The following ZFHX3 variants were observed in gnomAD, a reference collection of about 807,000 sequenced individuals.
ZFHX3 encodes zinc finger homeobox protein 3.
ZFHX3 carries 42 observed loss-of-function variants against 279.1 expected under a neutral mutation model. The observed-to-expected ratio is 0.15, with a 90% confidence interval of 0.12 to 0.19. The LOEUF is 0.19. Among genes scored for constraint, ZFHX3 ranks in the 10% least tolerant of loss-of-function variants. The pLI is 1.00. For missense variants in ZFHX3, 4,981 were observed against 4,754.0 expected, an observed-to-expected ratio of 1.05 and a Z score of -1.40; for synonymous variants, 2,293 against 1,957.8, an observed-to-expected ratio of 1.17 and a Z score of -4.52.
intron 4 of ZFHX3, among the ~76,000 whole-genome samples, chr16:72,867,211 A>T (rs2038043869): frequency 6.6e-6 from 1 of 152,228 alleles, no homozygotes; most frequent in Non-Finnish European, 1.5e-5. Flanking sequence ...GAAGAAGCTC[A>T]GCATTAATTC....
chr16:73,138,714 G>A (rs1405060655), intron 6 of ZFHX3, among the ~76,000 whole-genome samples: 2 of 152,030 alleles, frequency 1.3e-5, no homozygotes, highest in African/African-American at 4.8e-5. Context: ...TTGAGATAGG[G>A]TCTCACTCTG....
intron 1 of ZFHX3, among the ~76,000 whole-genome samples, chr16:73,706,920 T>A (rs1237822079): frequency 6.6e-6 from 1 of 152,210 alleles, no homozygotes; most frequent in Non-Finnish European, 1.5e-5. Context: ...TTTAACGATT[T>A]CTTTCTCCTT....
chr16:73,336,007 T>A (rs1163803707), intron 3 of ZFHX3, among the ~76,000 whole-genome samples: 1 of 152,166 alleles, frequency 6.6e-6, no homozygotes, highest in Non-Finnish European at 1.5e-5. Flanking sequence ...CTCTAGCCAT[T>A]CGCAGCAGTG....
chr16:73,295,076 A>C (rs1038157673), intron 4 of ZFHX3, among the ~76,000 whole-genome samples: 1 of 151,616 alleles, frequency 6.6e-6, no homozygotes, highest in African/African-American at 2.4e-5. Context: ...TTAGCCAGGC[A>C]TGGTGGCAGG....
chr16:73,679,527 C>G (rs539480753), intron 2 of ZFHX3: 2 of 152,172 alleles, frequency 1.3e-5, no homozygotes, highest in African/African-American at 4.8e-5. Flanking sequence ...ACCTTCTTTT[C>G]TCTTATGTAA....
intron 1 of ZFHX3, among the ~76,000 whole-genome samples, chr16:72,992,105 C>T (rs1032223556): frequency 6.6e-6 from 1 of 152,248 alleles, no homozygotes; most frequent in African/African-American, 2.4e-5. Flanking sequence ...ATCTTTCTCA[C>T]ATAGTCAACC....
At chr16:73,877,182 T>C (rs920808927) in intron 1 of ZFHX3, among the ~76,000 whole-genome samples, 1 of 96,244 alleles carries the variant, frequency 1.0e-5, no homozygotes, top group African/African-American at 4.9e-5. Flanking sequence ...AACGAGATGG[T>C]TGGGTTCGGG....
intron 4 of ZFHX3, among the ~76,000 whole-genome samples, chr16:73,307,023 A>G (rs1053042874): frequency 6.6e-6 from 1 of 152,214 alleles, no homozygotes; most frequent in Non-Finnish European, 1.5e-5. Flanking sequence ...AGACCACAAA[A>G]CTGACAACAT....
chr16:73,812,296 G>T (rs74028494), intron 1 of ZFHX3, among the ~76,000 whole-genome samples: 1 of 152,186 alleles, frequency 6.6e-6, no homozygotes, highest in Admixed American at 6.5e-5. Context: ...TCTCACTTCC[G>T]CTTTGGGTGT....
At chr16:72,972,485 G>A (rs1962149298) in intron 1 of ZFHX3, among the ~76,000 whole-genome samples, 1 of 152,066 alleles carries the variant, frequency 6.6e-6, no homozygotes, top group Non-Finnish European at 1.5e-5. Flanking sequence ...GATTATAAAG[G>A]GCCAAACTGC....
rs764171619 is a variant in ZFHX3 at position 73,660,281 on chromosome 16, C to T, written c.-1547+19899G>A. Among the ~76,000 whole-genome samples, 22 of 152,156 alleles carry T rather than the reference C, an allele frequency of 1.4e-4. 1 individual carries two copies. Among genetic ancestry groups the T allele is most frequent in the Admixed American group, 3.3e-4 (5 of 15,270 alleles). On this transcript the variant is annotated intron_variant, in intron 2 of 17. Transcript: ENST00000641206. Reference sequence around the variant, plus strand: ...TTAAAAGCAAAGGATTTCTATGGAACGCTTCTCTACTTTTAAAGTCAGCAT... The same window carrying T: ...TTAAAAGCAAAGGATTTCTATGGAATGCTTCTCTACTTTTAAAGTCAGCAT...
In ZFHX3 at chr16:73,343,730, C is replaced by T. The variant is rs547007443; in HGVS notation, c.-1290-25394G>A. Among the ~76,000 whole-genome samples the T allele has an allele frequency of 3.3e-5, 5 of 152,242 alleles. No individual in the cohort carries two copies. In the East Asian group the frequency reaches 9.7e-4, roughly 29 times the overall value. On this transcript the variant is annotated intron_variant, in intron 3 of 17. Transcript: ENST00000641206. Reference sequence around the variant, plus strand: ...TGAGATCCCATCTCTAAAGCAACAACAACAAGACATGTGAAAAGAACAGAA... The same window carrying T: ...TGAGATCCCATCTCTAAAGCAACAATAACAAGACATGTGAAAAGAACAGAA...
intron 5 of ZFHX3, among the ~76,000 whole-genome samples, chr16:72,817,772 C>A (rs924462069): frequency 6.6e-6 from 1 of 152,136 alleles, no homozygotes; most frequent in Non-Finnish European, 1.5e-5. Flanking sequence ...TCCTTTTTGG[C>A]GTCCTGAGGT....
intron 3 of ZFHX3, among the ~76,000 whole-genome samples, chr16:73,331,544 G>C (rs925395105): frequency 1.3e-5 from 2 of 152,194 alleles, no homozygotes; most frequent in African/African-American, 2.4e-5. Flanking sequence ...TCTGTGCAGA[G>C]AGTACATCCA....
intron 1 of ZFHX3, among the ~76,000 whole-genome samples, chr16:72,990,247 G>C (rs895759886): frequency 4.6e-5 from 7 of 152,322 alleles, no homozygotes; most frequent in African/African-American, 1.7e-4. Context: ...GGCAATTTCT[G>C]AGGTTTAAGA....
At chr16:73,454,378 T>C (rs2018334781) in intron 3 of ZFHX3, among the ~76,000 whole-genome samples, 1 of 152,126 alleles carries the variant, frequency 6.6e-6, no homozygotes, top group African/African-American at 2.4e-5. Context: ...CTCGACAGAC[T>C]TAGTGGAAAT....
intron 1 of ZFHX3, among the ~76,000 whole-genome samples, chr16:73,745,468 A>G (rs1400458175): frequency 1.3e-5 from 2 of 152,232 alleles, no homozygotes; most frequent in Admixed American, 6.5e-5. Flanking sequence ...GTCAGGAACT[A>G]AAGTATATAT....
chr16:73,167,600 C>T (rs560188622), intron 5 of ZFHX3, among the ~76,000 whole-genome samples: 5 of 152,214 alleles, frequency 3.3e-5, no homozygotes, highest in African/African-American at 1.2e-4. Context: ...TTTCTTGAAA[C>T]TGAGAACGTT....
At chr16:73,344,152 T>C (rs1449603595) in intron 3 of ZFHX3, among the ~76,000 whole-genome samples, 2 of 152,124 alleles carry the variant, frequency 1.3e-5, no homozygotes, top group Non-Finnish European at 2.9e-5. Context: ...ACATAGCACC[T>C]CAGCCAAGTC....
Sources: gnomAD v4.1 joint callset for allele counts (sites outside exome capture counted in the v4.1 genomes callset) on GRCh38, gnomAD v4.1.1 for gene constraint, MANE v1.5 for transcripts, NCBI Gene and HGNC (gene_info 2026-07-23, HGNC 2026-07-21) for gene names.